The following CDH13 variants were observed in gnomAD, a reference collection of about 807,000 sequenced individuals.
CDH13 encodes cadherin-13.
In CDH13, 24 loss-of-function variants were observed where a neutral mutation model predicts 63.8. That is an observed-to-expected ratio of 0.38 (90% CI 0.27 to 0.53). CDH13 has a LOEUF of 0.53. Ranked by LOEUF, CDH13 falls within the 20% of genes least tolerant of loss-of-function variation. The pLI is 0.85. For synonymous variants in CDH13, 503 were observed against 355.3 expected, an observed-to-expected ratio of 1.42 and a Z score of -4.67; for missense variants, 1,049 against 903.1, an observed-to-expected ratio of 1.16 and a Z score of -2.07.
At chr16:82,972,111 G>A (rs184772283) in intron 2 of CDH13, among the ~76,000 whole-genome samples, 21 of 152,326 alleles carry the variant, frequency 1.4e-4, no homozygotes, top group African/African-American at 4.8e-4. Context: ...TGTAGGGTGA[G>A]GCTAAATCCC....
chr16:83,209,804 C>T (rs2039287939), intron 4 of CDH13, among the ~76,000 whole-genome samples: 1 of 152,006 alleles, frequency 6.6e-6, no homozygotes. Flanking sequence ...GAGGTTAAGT[C>T]TGCATGGAGT....
At chr16:83,180,776 C>T in intron 4 of CDH13, 5 of 856,846 alleles carry the variant, frequency 5.8e-6, no homozygotes, top group Non-Finnish European at 9.2e-6. Flanking sequence ...GACAAACAAA[C>T]AAAGGCTGCT....
chr16:83,133,509 A>C (rs2036147286), intron 4 of CDH13, among the ~76,000 whole-genome samples: 1 of 152,070 alleles, frequency 6.6e-6, no homozygotes. Context: ...CAGTGGAATT[A>C]TGTTTTTGAG....
At position 83,261,166 on chromosome 16, in the gene CDH13, G is replaced by C. The variant is rs375569124; in HGVS notation, c.636+43669G>C. Among the ~76,000 whole-genome samples the C allele has an allele frequency of 1.3e-4, 20 of 152,278 alleles. No homozygotes were observed. The South Asian group carries it at 2.5e-3, about 19-fold the overall frequency. On this transcript the variant is annotated intron_variant, in intron 5 of 13. Transcript: ENST00000567109. ...GTTATGACATAGTGACCACGGTTCA[G>C]TTTCCATGCAAGGGGGCGTGCATGC...
chr16:83,039,518 T>C (rs1270942251), intron 3 of CDH13, among the ~76,000 whole-genome samples: 2 of 152,174 alleles, frequency 1.3e-5, no homozygotes, highest in Non-Finnish European at 2.9e-5. Context: ...CAATTTGTAA[T>C]TATGTATTTA....
chr16:83,779,048 C>T (rs923254770), intron 11 of CDH13, among the ~76,000 whole-genome samples: 1 of 152,152 alleles, frequency 6.6e-6, no homozygotes, highest in African/African-American at 2.4e-5. Flanking sequence ...GTGAGAATGA[C>T]TTTTTAGTGT....
chr16:83,392,078 C>G (rs1186178326), intron 6 of CDH13, among the ~76,000 whole-genome samples: 1 of 152,146 alleles, frequency 6.6e-6, no homozygotes, highest in African/African-American at 2.4e-5. Flanking sequence ...TATTGTGACA[C>G]TCAAAAATCG....
chr16:82,964,264 T>C, intron 2 of CDH13, among the ~76,000 whole-genome samples: 1 of 152,234 alleles, frequency 6.6e-6, no homozygotes, highest in East Asian at 1.9e-4. Context: ...CATTTTACTC[T>C]GTAATACAGC....
chr16:83,584,510 A>G (rs769127018), intron 7 of CDH13, among the ~76,000 whole-genome samples: 1 of 152,020 alleles, frequency 6.6e-6, no homozygotes, highest in Non-Finnish European at 1.5e-5. Context: ...AGAGAAAGTG[A>G]CCCCTGAGGC....
intron 5 of CDH13, among the ~76,000 whole-genome samples, chr16:83,227,444 G>T (rs1457597074): frequency 6.6e-6 from 1 of 152,174 alleles, no homozygotes; most frequent in Non-Finnish European, 1.5e-5. Context: ...TGTGATGGGG[G>T]CTGAGTTCCT....
chr16:83,257,046 C>T (rs1447480464), intron 5 of CDH13, among the ~76,000 whole-genome samples: 1 of 151,888 alleles, frequency 6.6e-6, no homozygotes, highest in Non-Finnish European at 1.5e-5. Flanking sequence ...AACACTGAAC[C>T]AGTAATGATA....
intron 4 of CDH13, among the ~76,000 whole-genome samples, chr16:83,148,877 A>G (rs1476488140): frequency 1.3e-5 from 2 of 152,156 alleles, no homozygotes; most frequent in East Asian, 1.9e-4. Context: ...TACAAAAAAA[A>G]GGAATTCTAT....
chr16:83,713,628 C>T (rs1908423265), intron 10 of CDH13, among the ~76,000 whole-genome samples: 1 of 152,014 alleles, frequency 6.6e-6, no homozygotes, highest in Admixed American at 6.6e-5. Flanking sequence ...AAAAAGGAAA[C>T]CTAACTCAAA....
intron 1 of CDH13, among the ~76,000 whole-genome samples, chr16:82,790,943 G>C (rs998211660): frequency 6.6e-6 from 1 of 152,170 alleles, no homozygotes; most frequent in African/African-American, 2.4e-5. Flanking sequence ...GGCCAACTAA[G>C]AATTCCTAAG....
At chr16:83,702,744 C>A (rs144260088) in intron 10 of CDH13, among the ~76,000 whole-genome samples, 65 of 152,272 alleles carry the variant, frequency 4.3e-4, no homozygotes, top group African/African-American at 1.5e-3. Flanking sequence ...ACCTCCAGAG[C>A]TGAGCAGGTG....
chr16:83,704,308 C>T (rs1483524186), intron 10 of CDH13, among the ~76,000 whole-genome samples: 1 of 151,986 alleles, frequency 6.6e-6, no homozygotes, highest in Non-Finnish European at 1.5e-5. Context: ...ACAATCTTAC[C>T]CTCAAAGATA....
At chr16:82,927,769 C>G (rs2042350315) in intron 2 of CDH13, among the ~76,000 whole-genome samples, 1 of 152,184 alleles carries the variant, frequency 6.6e-6, no homozygotes, top group African/African-American at 2.4e-5. Context: ...CCGCTCAGTC[C>G]TCAGCCCAGG....
intron 5 of CDH13, among the ~76,000 whole-genome samples, chr16:83,232,545 C>CAAAAAAAAAA (rs371820662): frequency 9.3e-6 from 1 of 107,958 alleles, no homozygotes; most frequent in African/African-American, 3.8e-5. Flanking sequence ...ACAACAACAA[C>CAAAAAAAAAA]AAACAAACAA....
chr16:82,716,449 A>C (rs557516363), intron 1 of CDH13, among the ~76,000 whole-genome samples: 1 of 151,850 alleles, frequency 6.6e-6, no homozygotes, highest in Admixed American at 6.6e-5. Flanking sequence ...AATTTAGATA[A>C]GTCACAAATA....
Sources: gnomAD v4.1 joint callset for allele counts (sites outside exome capture counted in the v4.1 genomes callset) on GRCh38, gnomAD v4.1.1 for gene constraint, MANE v1.5 for transcripts, NCBI Gene and HGNC (gene_info 2026-07-23, HGNC 2026-07-21) for gene names.